DPP6: variants seen among roughly 807,000 people sequenced by gnomAD.
DPP6 encodes the protein A-type potassium channel modulatory protein DPP6.
In DPP6, 69 loss-of-function variants were observed where a neutral mutation model predicts 122.6. The ratio of observed to expected loss-of-function variants is 0.56; its 90% CI spans 0.46 to 0.69. The LOEUF is 0.69. Among genes scored for constraint, DPP6 ranks in the 30% least tolerant of loss-of-function variants. The probability of loss-of-function intolerance (pLI) is 0.00; values close to 1 mark genes in which losing one functional copy is unlikely to be tolerated. For synonymous variants in DPP6, 418 were observed against 433.1 expected, an observed-to-expected ratio of 0.97 and a Z score of 0.43; for missense variants, 928 against 1,116.9, an observed-to-expected ratio of 0.83 and a Z score of 2.41.
the DPP6 span, among the ~76,000 whole-genome samples, chr7:153,772,843 CTT>C: frequency 1.4e-5 from 2 of 147,042 alleles, no homozygotes; most frequent in African/African-American, 5.0e-5. Flanking sequence ...ATATAAAAGA[CTT>C]TTGCCTCTGA....
chr7:154,063,090 C>T (rs1436557521), intron 1 of DPP6, among the ~76,000 whole-genome samples: 1 of 133,514 alleles, frequency 7.5e-6, no homozygotes, highest in Non-Finnish European at 1.7e-5. Flanking sequence ...CCTCTTCCGC[C>T]CCTGGCTGTT....
chr7:154,633,826 C>G (rs1835552883), intron 5 of DPP6, among the ~76,000 whole-genome samples: 1 of 152,130 alleles, frequency 6.6e-6, no homozygotes. Flanking sequence ...CTTCTTCCCA[C>G]TTCCCCATTT....
chr7:154,627,388 C>T (rs181138231), intron 5 of DPP6, among the ~76,000 whole-genome samples: 1 of 151,136 alleles, frequency 6.6e-6, no homozygotes, highest in Admixed American at 6.6e-5. Context: ...TTAGTAGAGA[C>T]GGGGTTTCAC....
At chr7:154,476,787 T>TA (rs1169340843) in intron 3 of DPP6, among the ~76,000 whole-genome samples, 1 of 152,090 alleles carries the variant, frequency 6.6e-6, no homozygotes, top group Non-Finnish European at 1.5e-5. Flanking sequence ...ACAAAACACT[T>TA]AGACTTGTGG....
At chr7:154,200,235 T>C (rs1585614677) in intron 1 of DPP6, among the ~76,000 whole-genome samples, 1 of 152,152 alleles carries the variant, frequency 6.6e-6, no homozygotes, top group South Asian at 2.1e-4. Flanking sequence ...TCAATGCATA[T>C]AGTTTTGGGG....
intron 1 of DPP6, among the ~76,000 whole-genome samples, chr7:154,341,392 A>G (rs922913842): frequency 3.3e-5 from 5 of 152,004 alleles, no homozygotes; most frequent in African/African-American, 1.2e-4. Context: ...TGAGCATTCC[A>G]TTTATTCAGG....
At chr7:154,890,782 C>T (rs59695713) in intron 25 of DPP6, 21,034 of 152,230 alleles carry the variant, frequency 0.14, 1,786 homozygotes, top group East Asian at 0.45. Context: ...GAGGAGAAAG[C>T]TTCCTGCCCA....
chr7:154,244,667 A>G (rs185524081), intron 1 of DPP6, among the ~76,000 whole-genome samples: 1 of 152,300 alleles, frequency 6.6e-6, no homozygotes, highest in East Asian at 1.9e-4. Flanking sequence ...GCACATTGTA[A>G]TCCCTAGAGT....
At chr7:154,749,366 T>TGA (rs1370681429) in intron 8 of DPP6, among the ~76,000 whole-genome samples, 5 of 49,892 alleles carry the variant, frequency 1.0e-4, no homozygotes, top group East Asian at 4.4e-4. Context: ...TGAGAGAGGG[T>TGA]GAGAGCATAG....
At chr7:154,369,142 C>T (rs1255425622) in intron 1 of DPP6, among the ~76,000 whole-genome samples, 1 of 152,146 alleles carries the variant, frequency 6.6e-6, no homozygotes, top group Non-Finnish European at 1.5e-5. Flanking sequence ...GTCACCCAGA[C>T]GGGAGTGCAA....
chr7:154,077,048 TA>T (rs1803608376), intron 1 of DPP6, among the ~76,000 whole-genome samples: 1 of 152,234 alleles, frequency 6.6e-6, no homozygotes, highest in Non-Finnish European at 1.5e-5. Context: ...GGAAACACTA[TA>T]AAATGTTTTA....
intron 6 of DPP6, among the ~76,000 whole-genome samples, chr7:154,666,867 T>C (rs1485863448): frequency 6.6e-6 from 1 of 152,310 alleles, no homozygotes; most frequent in South Asian, 2.1e-4. Flanking sequence ...GTGGAAGTGT[T>C]GGGCTGAAAG....
At chr7:153,791,674 C>T in the DPP6 span, among the ~76,000 whole-genome samples, 2 of 152,118 alleles carry the variant, frequency 1.3e-5, no homozygotes, top group Non-Finnish European at 2.9e-5. Context: ...CCCGCCTTGG[C>T]ATCCCAAGGT....
At chr7:154,768,791 A>G (rs1243174517) in intron 8 of DPP6, among the ~76,000 whole-genome samples, 1 of 152,170 alleles carries the variant, frequency 6.6e-6, no homozygotes, top group African/African-American at 2.4e-5. Flanking sequence ...AGATGGATCC[A>G]TTTTGGTTTT....
At chr7:154,454,125 C>T (rs1318444970) in intron 2 of DPP6, among the ~76,000 whole-genome samples, 1 of 152,164 alleles carries the variant, frequency 6.6e-6, no homozygotes, top group East Asian at 1.9e-4. Context: ...TCTACTAACA[C>T]TGACCATGGC....
chr7:154,016,889 A>G (rs1798442723), intron 1 of DPP6, among the ~76,000 whole-genome samples: 1 of 152,154 alleles, frequency 6.6e-6, no homozygotes, highest in Admixed American at 6.5e-5. Context: ...TGTTTCCAAG[A>G]AGTAGGTGGG....
intron 1 of DPP6, among the ~76,000 whole-genome samples, chr7:154,064,769 G>A (rs535137441): frequency 6.6e-6 from 1 of 152,142 alleles, no homozygotes; most frequent in Non-Finnish European, 1.5e-5. Flanking sequence ...CTCTCCCAGG[G>A]TCTACATGTG....
chr7:154,428,238 A>G (rs1351520910), intron 1 of DPP6, among the ~76,000 whole-genome samples: 2 of 152,214 alleles, frequency 1.3e-5, no homozygotes, highest in Non-Finnish European at 2.9e-5. Context: ...AACCTTGAAA[A>G]GTCAGAAATC....
chr7:154,390,918 G>T (rs1421004396), intron 1 of DPP6, among the ~76,000 whole-genome samples: 1 of 152,184 alleles, frequency 6.6e-6, no homozygotes, highest in African/African-American at 2.4e-5. Context: ...TTTATCATCA[G>T]ATCGTACAGT....
Sources: allele counts gnomAD v4.1 joint callset (sites outside exome capture counted in the v4.1 genomes callset), GRCh38; gene constraint gnomAD v4.1.1; transcripts MANE v1.5; gene names NCBI Gene and HGNC (gene_info 2026-07-23, HGNC 2026-07-21).